The following PCDH15 variants were observed in gnomAD, a reference collection of about 807,000 sequenced individuals.
PCDH15 encodes protocadherin related 15, also known as protocadherin-15.
A neutral mutation model predicts 178.5 loss-of-function variants in PCDH15; 129 were observed. That is an observed-to-expected ratio of 0.72 (90% CI 0.63 to 0.84). The LOEUF (loss-of-function observed/expected upper bound fraction) is 0.84. Among genes scored for constraint, PCDH15 ranks in the 40% least tolerant of loss-of-function variants. The pLI is 0.00. For missense variants in PCDH15, 2,230 were observed against 2,099.9 expected (o/e 1.06, Z -1.21); for synonymous variants, 800 against 732.0 (o/e 1.09, Z -1.50).
intron 3 of PCDH15, among the ~76,000 whole-genome samples, chr10:54,519,661 C>T (rs973944742): frequency 1.3e-5 from 2 of 152,076 alleles, no homozygotes; most frequent in African/African-American, 2.4e-5. Context: ...AGATTCAATG[C>T]CATCCCCATC....
At chr10:54,892,958 A>C (rs1475468020) in intron 3 of PCDH15, among the ~76,000 whole-genome samples, 1 of 152,060 alleles carries the variant, frequency 6.6e-6, no homozygotes, top group East Asian at 1.9e-4. Flanking sequence ...AGGCAAACTT[A>C]ATGAGAAATG....
intron 2 of PCDH15, among the ~76,000 whole-genome samples, chr10:55,104,494 T>C (rs1159329142): frequency 6.6e-6 from 1 of 152,322 alleles, no homozygotes; most frequent in East Asian, 1.9e-4. Context: ...TCCATGGGTA[T>C]GCTTTTCTTA....
chr10:54,749,643 A>G (rs1945935567), intron 1 of PCDH15, among the ~76,000 whole-genome samples: 1 of 152,176 alleles, frequency 6.6e-6, no homozygotes, highest in Non-Finnish European at 1.5e-5. Context: ...TATGGAATTG[A>G]AAAAAGAAAT....
chr10:55,147,084 T>C (rs893522989), intron 2 of PCDH15, among the ~76,000 whole-genome samples: 6 of 151,570 alleles, frequency 4.0e-5, no homozygotes, highest in African/African-American at 1.5e-4. Context: ...TATTAGAAAA[T>C]AAATTACAAT....
At chr10:55,062,042 A>C (rs759515310) in intron 2 of PCDH15, among the ~76,000 whole-genome samples, 2 of 152,186 alleles carry the variant, frequency 1.3e-5, no homozygotes, top group South Asian at 4.1e-4. Flanking sequence ...AATAAAAATT[A>C]AACAAAAGAT....
At chr10:53,935,120 A>G (rs2593104) in intron 25 of PCDH15, among the ~76,000 whole-genome samples, 5,379 of 152,194 alleles carry the variant, frequency 0.035, 294 homozygotes, top group African/African-American at 0.12. Flanking sequence ...TTGTCATTAC[A>G]CATTTTTTTA....
intron 2 of PCDH15, among the ~76,000 whole-genome samples, chr10:55,557,781 C>A (rs1842119271): frequency 6.6e-6 from 1 of 152,074 alleles, no homozygotes; most frequent in Admixed American, 6.6e-5. Flanking sequence ...ACACTCACTA[C>A]TTCATTCATG....
intron 1 of PCDH15, among the ~76,000 whole-genome samples, chr10:55,256,108 T>A (rs1245455081): frequency 1.3e-5 from 2 of 152,176 alleles, no homozygotes; most frequent in Non-Finnish European, 2.9e-5. Flanking sequence ...CTTTAATCCA[T>A]CTTGAATTAA....
chr10:53,875,852 G>A lies in PCDH15; in HGVS notation c.3502-8995C>T, dbSNP rs559638764. Among the ~76,000 whole-genome samples, 85 of 152,160 alleles carry A rather than the reference G, an allele frequency of 5.6e-4. 2 individuals carry two copies. The South Asian group carries it at 0.017, about 30-fold the overall frequency. ...AGGGGAGACCATTAATTTTCTAATA[G>A]CCTAAATAACTGTTCCCCTCTGTTG... On this transcript the variant is annotated intron_variant, in intron 26 of 37. Transcript: ENST00000644397.
chr10:55,478,817 C>A (rs1158347117), intron 2 of PCDH15, among the ~76,000 whole-genome samples: 3 of 150,076 alleles, frequency 2.0e-5, no homozygotes, highest in Non-Finnish European at 3.0e-5. Context: ...ACTGATATCA[C>A]AGAATTAAAA....
At chr10:55,464,623 TAA>T in intron 2 of PCDH15, among the ~76,000 whole-genome samples, 1 of 37,160 alleles carries the variant, frequency 2.7e-5, no homozygotes. Context: ...TAAATGGGAG[TAA>T]ATATATATAT....
chr10:54,649,059 C>A (rs1181971461), intron 2 of PCDH15, among the ~76,000 whole-genome samples: 4 of 152,110 alleles, frequency 2.6e-5, no homozygotes, highest in Non-Finnish European at 5.9e-5. Context: ...CCCTTAGGGG[C>A]AGTATAGGAT....
At chr10:54,040,122 T>A (rs1306660733) in intron 18 of PCDH15, among the ~76,000 whole-genome samples, 4 of 152,004 alleles carry the variant, frequency 2.6e-5, no homozygotes, top group Non-Finnish European at 5.9e-5. Flanking sequence ...TCTTAAAAAG[T>A]CATAATTAGT....
intron 13 of PCDH15, among the ~76,000 whole-genome samples, chr10:54,167,496 G>T (rs1171991330): frequency 1.3e-5 from 2 of 152,054 alleles, no homozygotes; most frequent in Non-Finnish European, 2.9e-5. Flanking sequence ...AGGGACGCCT[G>T]ATTATACACC....
chr10:54,023,655 A>G (rs572166611), intron 18 of PCDH15, among the ~76,000 whole-genome samples: 7 of 147,124 alleles, frequency 4.8e-5, no homozygotes, highest in African/African-American at 1.7e-4. Context: ...GTTTATAATA[A>G]ATAATATTTT....
intron 2 of PCDH15, among the ~76,000 whole-genome samples, chr10:54,958,881 C>T (rs1268985748): frequency 6.6e-6 from 1 of 151,830 alleles, no homozygotes; most frequent in Non-Finnish European, 1.5e-5. Flanking sequence ...CACCTATGTT[C>T]TTTGTAAAAC....
rs187336934 is a variant in PCDH15 at position 55,298,397 on chromosome 10, G to C, written c.-156+21202C>G. On this transcript the variant is annotated intron_variant, in intron 1 of 5. Transcript: ENST00000458638. ...AGAAAGGACATATGAAAGAGTTTCT[G>C]TAGGTAAGTCCTAGATTAAATAGGA... Among the ~76,000 whole-genome samples the C allele has an allele frequency of 1.2e-4, 18 of 152,288 alleles. No individual in the cohort carries two copies. The East Asian group carries it at 3.5e-3, about 29-fold the overall frequency.
intron 2 of PCDH15, among the ~76,000 whole-genome samples, chr10:55,089,116 T>A (rs1396389645): frequency 6.6e-6 from 1 of 152,148 alleles, no homozygotes; most frequent in Non-Finnish European, 1.5e-5. Flanking sequence ...AAATTTCTAT[T>A]TCCTTCAAGT....
chr10:54,085,836 T>C (rs1328526615), intron 16 of PCDH15, among the ~76,000 whole-genome samples: 1 of 152,194 alleles, frequency 6.6e-6, no homozygotes, highest in Non-Finnish European at 1.5e-5. Flanking sequence ...AATTTTGGCA[T>C]ACTTTTATTT....
Sources: allele counts gnomAD v4.1 joint callset (sites outside exome capture counted in the v4.1 genomes callset), GRCh38; gene constraint gnomAD v4.1.1; transcripts MANE v1.5; gene names NCBI Gene and HGNC (gene_info 2026-07-23, HGNC 2026-07-21).